NTRK2: variants seen among roughly 807,000 people sequenced by gnomAD.
NTRK2 encodes the protein neurotrophic receptor tyrosine kinase 2.
NTRK2 carries 13 observed loss-of-function variants against 94.5 expected under a neutral mutation model. The ratio of observed to expected loss-of-function variants is 0.14; its 90% CI spans 0.09 to 0.22. The LOEUF is 0.22. Ranked by LOEUF, NTRK2 falls within the 10% of genes least tolerant of loss-of-function variation. NTRK2 has a pLI of 1.00. For synonymous variants in NTRK2, 372 were observed against 407.4 expected (o/e 0.91, Z 1.05); for missense variants, 639 against 1,071.2 (o/e 0.60, Z 5.63).
At chr9:84,882,067 T>TA (rs748134145) in intron 14 of NTRK2, among the ~76,000 whole-genome samples, 3 of 152,170 alleles carry the variant, frequency 2.0e-5, no homozygotes, top group Non-Finnish European at 4.4e-5. Context: ...AACATACAAC[T>TA]ACTAGGCAGG....
At chr9:84,830,436 G>T (rs1000514169) in intron 12 of NTRK2, among the ~76,000 whole-genome samples, 6 of 152,092 alleles carry the variant, frequency 3.9e-5, no homozygotes, top group African/African-American at 1.2e-4. Flanking sequence ...ACTGGCACAG[G>T]TTTGGGTTCC....
chr9:84,932,813 G>A (rs2078084648), intron 14 of NTRK2, among the ~76,000 whole-genome samples: 1 of 152,154 alleles, frequency 6.6e-6, no homozygotes, highest in South Asian at 2.1e-4. Context: ...GAATTTGAAC[G>A]GGGCTTTGAA....
At chr9:84,814,808 A>AG (rs1286489651) in intron 12 of NTRK2, 1 of 1,064,250 alleles carries the variant, frequency 9.4e-7, no homozygotes, top group African/African-American at 1.6e-5. Flanking sequence ...CCACATGGGC[A>AG]GGGCCAGTCA....
chr9:84,904,695 T>G (rs974826895), intron 14 of NTRK2, among the ~76,000 whole-genome samples: 2 of 152,164 alleles, frequency 1.3e-5, no homozygotes, highest in Non-Finnish European at 1.5e-5. Flanking sequence ...AAAGTTGGTT[T>G]TTTGAAACTC....
chr9:84,973,753 A>G (rs1419327771), intron 17 of NTRK2, among the ~76,000 whole-genome samples: 2 of 152,208 alleles, frequency 1.3e-5, no homozygotes, highest in Admixed American at 6.5e-5. Context: ...AGATCAGATG[A>G]TTTCTAAAGT....
intron 12 of NTRK2, among the ~76,000 whole-genome samples, chr9:84,766,636 A>G (rs1356743252): frequency 6.6e-6 from 1 of 151,592 alleles, no homozygotes; most frequent in East Asian, 1.9e-4. Context: ...TTGAGAGGAG[A>G]ATCCACCCCT....
chr9:84,841,646 T>C (rs563454999), intron 12 of NTRK2, among the ~76,000 whole-genome samples: 2 of 152,278 alleles, frequency 1.3e-5, no homozygotes, highest in South Asian at 2.1e-4. Flanking sequence ...TCCCTAACCA[T>C]TGTTTTCAAT....
In NTRK2 at chr9:84,930,258, G is replaced by A. The variant is rs147806112; in HGVS notation, c.1634-3904G>A. On this transcript the variant is annotated intron_variant, in intron 14 of 18. Coordinates refer to ENST00000277120, the MANE Select transcript of NTRK2 (RefSeq NM_006180.6). ...CCTCTTAGCTCCACTGCTGAAAGCTGGAGGAGAAATGGCAGCCCAGTGTTG... is the reference window on the plus strand; with the variant it reads ...CCTCTTAGCTCCACTGCTGAAAGCTAGAGGAGAAATGGCAGCCCAGTGTTG... Among the ~76,000 whole-genome samples the A allele has an allele frequency of 2.2e-3, 333 of 152,362 alleles. 1 individual carries two copies. The highest frequency in any genetic ancestry group is 7.7e-3 in the African/African-American group (320 of 41,580).
At position 84,798,565 on chromosome 9, in the gene NTRK2, C is replaced by G. The variant is rs538080883; in HGVS notation, c.1396+46480C>G. Among the ~76,000 whole-genome samples, 8 of 152,276 alleles carry G rather than the reference C, an allele frequency of 5.3e-5. No homozygotes were observed. In the South Asian group the frequency reaches 1.7e-3, roughly 32 times the overall value. On this transcript the variant is annotated intron_variant, in intron 12 of 18. Transcript: ENST00000277120. ...CTTAACCTCTCAGAAACTTACCTTC[C>G]TTATGTCCTAAGTGAAAGGGTGATA...
Position 84,808,952 on chromosome 9 carries a change from G to A in NTRK2, c.1397-52088G>A, listed in dbSNP as rs147913537. Among the ~76,000 whole-genome samples, 511 of 152,262 alleles carry A rather than the reference G, an allele frequency of 3.4e-3. 2 individuals carry two copies. The highest frequency in any genetic ancestry group is 5.9e-3 in the Non-Finnish European group (402 of 68,022). ...AGTCTACATGGTTGGGCTTAGAGGC[G>A]TCTTCCAAAGTTGAACTTGAAAATG... On this transcript the variant is annotated intron_variant, in intron 12 of 18. Transcript: ENST00000277120.
intron 12 of NTRK2, among the ~76,000 whole-genome samples, chr9:84,797,536 A>G (rs1354470709): frequency 2.5e-5 from 2 of 79,568 alleles, no homozygotes; most frequent in African/African-American, 6.8e-5. Context: ...ATAATAATGT[A>G]TATATAATAT....
At chr9:84,719,668 C>T (rs868711566) in intron 6 of NTRK2, among the ~76,000 whole-genome samples, 12 of 151,998 alleles carry the variant, frequency 7.9e-5, no homozygotes, top group Admixed American at 1.3e-4. Flanking sequence ...AGCACCATGA[C>T]GGGCCTTGAC....
At chr9:84,742,959 C>A (rs1456601709) in intron 10 of NTRK2, among the ~76,000 whole-genome samples, 2 of 147,864 alleles carry the variant, frequency 1.4e-5, no homozygotes, top group Non-Finnish European at 3.0e-5. Context: ...TGCCACCACA[C>A]TCGGCTAATT....
At chr9:84,957,359 T>C (rs887740669) in intron 17 of NTRK2, among the ~76,000 whole-genome samples, 1 of 152,202 alleles carries the variant, frequency 6.6e-6, no homozygotes, top group African/African-American at 2.4e-5. Flanking sequence ...TCCTCCTCTC[T>C]AGGAATCTCC....
At chr9:85,018,551 A>G (rs1414441121) in intron 17 of NTRK2, among the ~76,000 whole-genome samples, 1 of 152,230 alleles carries the variant, frequency 6.6e-6, no homozygotes, top group African/African-American at 2.4e-5. Context: ...GCATCTGGAA[A>G]CAACAGGTCC....
chr9:84,812,941 C>G lies in NTRK2; in HGVS notation c.1397-48099C>G, dbSNP rs2071974085. ...TATTAGAAAATTATTTCATATAGTT[C>G]TCGTGTTCTTTTCTTTTTTTTAATC... On this transcript the variant is annotated intron_variant, in intron 12 of 18. Transcript: ENST00000277120. 4.8e-6 allele frequency: 5 copies of G among 1,032,468 alleles called. No homozygotes were observed. In the South Asian group the frequency reaches 2.3e-4, roughly 48 times the overall value. The allele number at this position is 1,032,468 out of a possible 1,614,324, so 64.0% of individuals were successfully genotyped here.
At chr9:84,953,489 T>C (rs1398137441) in intron 16 of NTRK2, among the ~76,000 whole-genome samples, 1 of 152,206 alleles carries the variant, frequency 6.6e-6, no homozygotes, top group Admixed American at 6.5e-5. Context: ...TAGGACAGGA[T>C]CCAAATTCAT....
chr9:84,905,403 C>T (rs2077043693), intron 14 of NTRK2, among the ~76,000 whole-genome samples: 1 of 151,938 alleles, frequency 6.6e-6, no homozygotes, highest in South Asian at 2.1e-4. Flanking sequence ...AAATTTTCTG[C>T]TTCACCTGAA....
intron 9 of NTRK2, among the ~76,000 whole-genome samples, chr9:84,740,494 G>A (rs2063563904): frequency 6.6e-6 from 1 of 152,210 alleles, no homozygotes; most frequent in Admixed American, 6.5e-5. Context: ...GCTGCACAGG[G>A]TGTGCACTGC....
Sources: gnomAD v4.1 joint callset for allele counts (sites outside exome capture counted in the v4.1 genomes callset) on GRCh38, gnomAD v4.1.1 for gene constraint, MANE v1.5 for transcripts, NCBI Gene and HGNC (gene_info 2026-07-23, HGNC 2026-07-21) for gene names.